Variants in SQSTM1 observed in about 807,000 individuals in gnomAD.
The protein encoded by SQSTM1 is sequestosome-1.
In SQSTM1, 36 loss-of-function variants were observed where a neutral mutation model predicts 45.1. The ratio of observed to expected loss-of-function variants is 0.80; its 90% CI spans 0.61 to 1.05. The LOEUF is 1.05. SQSTM1 is among the 50% of genes least tolerant of loss of function. The pLI is 0.00. For synonymous variants in SQSTM1, 290 were observed against 244.3 expected (o/e 1.19, Z -1.74); for missense variants, 617 against 607.1 (o/e 1.02, Z -0.17).
chr5:179,820,872 C>G (rs1193633501), upstream of SQSTM1: 1 of 1,371,834 alleles, frequency 7.3e-7, no homozygotes, highest in Non-Finnish European at 9.5e-7. Context: ...CCTCCGCGTT[C>G]GCTACAAAAG....
At chr5:179,828,723 A>C (rs1173757434) in intron 5 of SQSTM1, among the ~76,000 whole-genome samples, 1 of 152,184 alleles carries the variant, frequency 6.6e-6, no homozygotes, top group Non-Finnish European at 1.5e-5. Context: ...GGAGAAAAAT[A>C]ATTTAAATAT....
In SQSTM1 at chr5:179,836,515, G is replaced by A. The variant is rs148278350; in HGVS notation, c.1245G>A (p.Arg415=). 6.8e-4 allele frequency: 1,105 copies of A among 1,614,198 alleles called. 11 individuals carry two copies. The East Asian group carries it at 0.019, about 27-fold the overall frequency. The change falls in exon 8 of 8, where the codon AGG becomes AGA. Residue 415 remains arginine, a synonymous_variant. Coordinates refer to ENST00000389805, the MANE Select transcript of SQSTM1 (RefSeq NM_003900.5). ...CTGATGAAGGCGGCTGGCTCACCAG[G>A]CTCCTGCAGACCAAGAACTATGACA... The part of the protein sequence containing the change: ...GFSDEGGWLT[R]LLQTKNYDIG...
At chr5:179,821,288 A>G (rs1344584205) in intron 1 of SQSTM1, 147 bp downstream of exon 1, 11 of 839,644 alleles carry the variant, frequency 1.3e-5, no homozygotes, top group Admixed American at 1.1e-4. Context: ...GGTGGCCTGC[A>G]TGGGTCCCCA....
rs1467945921 is a variant in SQSTM1, at chr5:179,837,127, C to T, written c.*534C>T. 2 of 1,195,262 alleles carry T rather than the reference C, an allele frequency of 1.7e-6. No homozygotes were observed. The highest frequency in any genetic ancestry group is 2.4e-6 in the Non-Finnish European group (2 of 836,030). 74.0% of individuals were successfully genotyped at this position (1,195,262 alleles called of 1,614,324 possible). ...ATGTTGGTTTCACTGAGAGCTGCCT[C>T]CTGGTCTCTTCACCACTGTAGTTCT... On this transcript the variant is annotated 3_prime_UTR_variant, in exon 8 of 8. Transcript: ENST00000389805.
upstream of SQSTM1, among the ~76,000 whole-genome samples, chr5:179,817,593 G>C (rs1757623577): frequency 6.6e-6 from 1 of 152,232 alleles, no homozygotes; most frequent in African/African-American, 2.4e-5. Context: ...CTCTAACCAT[G>C]TCTGTCCATG....
intron 5 of SQSTM1, among the ~76,000 whole-genome samples, chr5:179,827,095 G>T (rs1264939987): frequency 6.6e-6 from 1 of 152,184 alleles, no homozygotes; most frequent in Non-Finnish European, 1.5e-5. Context: ...CTAGGTTCAG[G>T]TAGAGACTTT....
intron 5 of SQSTM1, among the ~76,000 whole-genome samples, chr5:179,831,383 T>C (rs989701937): frequency 8.5e-5 from 13 of 152,220 alleles, no homozygotes; most frequent in African/African-American, 2.2e-4. Flanking sequence ...GAAGGCAGGC[T>C]GGGTGCAGTG....
In SQSTM1 at chr5:179,837,069, TG is replaced by T; in HGVS notation, c.*479del. 1.3e-6 allele frequency: 1 copy of T among 745,582 alleles called. No homozygotes were observed. Among genetic ancestry groups the T allele is most frequent in the South Asian group, 1.6e-5 (1 of 63,956 alleles). The allele number at this position is 745,582 out of a possible 1,614,324, so 46.2% of individuals were successfully genotyped here. A position where few individuals can be genotyped will look rare whatever the true frequency, so the allele number is the denominator to read the frequency against. ...GAGGCCAGTGTTGTGGGCTTCCTGC[TG>T]GGACTGAGAAGGCTCACGAAGGGCA... On this transcript the variant is annotated 3_prime_UTR_variant, in exon 8 of 8. Coordinates refer to ENST00000389805, the MANE Select transcript of SQSTM1 (RefSeq NM_003900.5).
chr5:179,822,904 T>A (rs1447428376), intron 1 of SQSTM1, 54 bp from the exon 2 acceptor site: 2 of 1,501,612 alleles, frequency 1.3e-6, no homozygotes, highest in African/African-American at 2.8e-5. Context: ...TCCAGCAGCT[T>A]ATGTCCAGCT....
chr5:179,811,378 T>C (rs116340797), intron 1 of SQSTM1, among the ~76,000 whole-genome samples: 1,209 of 14,044 alleles, frequency 0.086, 55 homozygotes, highest in African/African-American at 0.18. Context: ...GGGAGGAGCA[T>C]GCAGGGGGAG....
chr5:179,828,551 T>C (rs1758093650), intron 5 of SQSTM1, among the ~76,000 whole-genome samples: 1 of 152,012 alleles, frequency 6.6e-6, no homozygotes, highest in African/African-American at 2.4e-5. Flanking sequence ...ATTTTGTATT[T>C]TTAGTAGAGA....
chr5:179,836,951 C>T lies in SQSTM1; in HGVS notation c.*358C>T, dbSNP rs1758593020. 4.9e-6 allele frequency: 3 copies of T among 606,406 alleles called. No homozygotes were observed. The highest frequency in any genetic ancestry group is 8.7e-6 in the Non-Finnish European group (3 of 343,314). 37.6% of individuals were successfully genotyped at this position (606,406 alleles called of 1,614,324 possible). On this transcript the variant is annotated 3_prime_UTR_variant, in exon 8 of 8. Transcript: ENST00000389805. ...CTTTTGTTTTAAATGACTCATAGGTCCCTGACATTTAGTTGATTATTTTCT... is the reference window on the plus strand; with the variant it reads ...CTTTTGTTTTAAATGACTCATAGGTTCCTGACATTTAGTTGATTATTTTCT...
chr5:179,823,322 C>G (rs370409089), intron 2 of SQSTM1, among the ~76,000 whole-genome samples: 1 of 151,350 alleles, frequency 6.6e-6, no homozygotes. Context: ...AAAAATTAGC[C>G]GGGTGTGGTG....
At position 179,837,453 on chromosome 5, in the gene SQSTM1, G is replaced by C; in HGVS notation, c.*860G>C. The C allele has an allele frequency of 6.2e-7, 1 of 1,612,708 alleles. No homozygotes were observed. Among genetic ancestry groups the C allele is most frequent in the Non-Finnish European group, 8.5e-7 (1 of 1,179,086 alleles). On this transcript the variant is annotated 3_prime_UTR_variant, in exon 8 of 8. Coordinates refer to ENST00000389805, the MANE Select transcript of SQSTM1 (RefSeq NM_003900.5). ...AGGTCACATAGTCGTGTGGGTCGAG[G>C]ATTCTGTGCCTCCAGGACCAGGGGC...
At chr5:179,823,089 T>G in intron 2 of SQSTM1, 36 bp downstream of exon 2, 1 of 1,587,612 alleles carries the variant, frequency 6.3e-7, no homozygotes. Flanking sequence ...TGAAGCCAGC[T>G]CAGCTTGTAC....
intron 7 of SQSTM1, chr5:179,836,129 C>T (rs184222563): frequency 5.9e-6 from 3 of 507,506 alleles, no homozygotes; most frequent in East Asian, 7.1e-5. Flanking sequence ...GGCTAACTGG[C>T]CTGTTCTTAC....
intron 6 of SQSTM1, 134 bp from the exon 7 acceptor site, chr5:179,833,453 T>TC: frequency 9.5e-7 from 1 of 1,057,220 alleles, no homozygotes; most frequent in Non-Finnish European, 1.4e-6. Context: ...TGGCCACTGT[T>TC]CCCCCTAGAC....
intron 5 of SQSTM1, among the ~76,000 whole-genome samples, chr5:179,828,375 T>TTC (rs1234144375): frequency 7.4e-6 from 1 of 134,392 alleles, no homozygotes; most frequent in East Asian, 1.9e-4. Flanking sequence ...TTATCTTTTT[T>TTC]TTTTTTTTTT....
intron 5 of SQSTM1, among the ~76,000 whole-genome samples, chr5:179,826,757 C>T (rs1049146995): frequency 1.6e-4 from 25 of 151,866 alleles, no homozygotes; most frequent in African/African-American, 4.3e-4. Flanking sequence ...CCCACCACAA[C>T]GCCTAGCTAT....
Sources: allele counts gnomAD v4.1 joint callset (sites outside exome capture counted in the v4.1 genomes callset), GRCh38; gene constraint gnomAD v4.1.1; transcripts MANE v1.5; gene names NCBI Gene and HGNC (gene_info 2026-07-23, HGNC 2026-07-21).